The following PRKG1 variants were observed in gnomAD, a reference collection of about 807,000 sequenced individuals.
PRKG1 encodes the protein protein kinase cGMP-dependent 1.
Under a neutral mutation model 88.1 loss-of-function variants are expected in PRKG1, and 35 were observed. That is an observed-to-expected ratio of 0.40 (90% CI 0.30 to 0.53). PRKG1 has a LOEUF of 0.53. Ranked by LOEUF, PRKG1 falls within the 20% of genes least tolerant of loss-of-function variation. The pLI is 0.59. For synonymous variants in PRKG1, 303 were observed against 292.5 expected, an observed-to-expected ratio of 1.04 and a Z score of -0.37; for missense variants, 540 against 839.8, an observed-to-expected ratio of 0.64 and a Z score of 4.41.
chr10:51,852,226 T>TATATATATATATATATATATATAC (rs1403355117), intron 4 of PRKG1, among the ~76,000 whole-genome samples: 39 of 149,356 alleles, frequency 2.6e-4, no homozygotes, highest in African/African-American at 9.4e-4. Context: ...TATATATATA[T>TATATATATATATATATATATATAC]ATACACACAC....
At chr10:51,002,256 A>G (rs1447113119) in intron 1 of PRKG1, among the ~76,000 whole-genome samples, 2 of 152,128 alleles carry the variant, frequency 1.3e-5, no homozygotes, top group African/African-American at 2.4e-5. Context: ...TAACAAATTA[A>G]AAGAAAATTA....
At chr10:51,213,471 A>AT (rs1363132751) in intron 2 of PRKG1, among the ~76,000 whole-genome samples, 3 of 152,150 alleles carry the variant, frequency 2.0e-5, no homozygotes, top group African/African-American at 7.2e-5. Context: ...TATAATAATA[A>AT]AAAAAATGAG....
intron 9 of PRKG1, among the ~76,000 whole-genome samples, chr10:52,189,603 G>A (rs1320590463): frequency 2.0e-5 from 3 of 152,082 alleles, no homozygotes; most frequent in Non-Finnish European, 2.9e-5. Flanking sequence ...ATATGAGGTG[G>A]TACAGTTTCA....
At chr10:51,515,529 G>A (rs12248633) in intron 3 of PRKG1, among the ~76,000 whole-genome samples, 24,029 of 152,000 alleles carry the variant, frequency 0.16, 2,286 homozygotes, top group Non-Finnish European at 0.22. Flanking sequence ...TGAAATTAGC[G>A]GCTACAGTAA....
rs138485221 is a variant in PRKG1 at position 52,279,492 on chromosome 10, A to G, written c.1404-1297A>G. On this transcript the variant is annotated intron_variant, in intron 12 of 17. Coordinates refer to ENST00000373980, the MANE Select transcript of PRKG1 (RefSeq NM_006258.4). ...AGCTGGTTATTTCAGTGAAAACTCAAGTGATATTAGTAGCTGAAATGAAGA... is the reference window on the plus strand; with the variant it reads ...AGCTGGTTATTTCAGTGAAAACTCAGGTGATATTAGTAGCTGAAATGAAGA... Among the ~76,000 whole-genome samples the G allele has an allele frequency of 3.9e-5, 6 of 152,318 alleles. No homozygotes were observed. In the East Asian group the frequency reaches 1.2e-3, roughly 29 times the overall value.
intron 3 of PRKG1, among the ~76,000 whole-genome samples, chr10:51,572,493 G>T (rs897842253): frequency 6.6e-6 from 1 of 151,798 alleles, no homozygotes; most frequent in Non-Finnish European, 1.5e-5. Context: ...AGATGCCTTA[G>T]ACATTATCCA....
chr10:52,109,769 A>ATAAG (rs1564472632), intron 7 of PRKG1, among the ~76,000 whole-genome samples: 4 of 152,122 alleles, frequency 2.6e-5, no homozygotes, highest in African/African-American at 9.7e-5. Context: ...TCTCAAAAAA[A>ATAAG]AATCTTATCT....
At chr10:51,677,283 A>T (rs1346617330) in intron 3 of PRKG1, among the ~76,000 whole-genome samples, 1 of 152,136 alleles carries the variant, frequency 6.6e-6, no homozygotes, top group African/African-American at 2.4e-5. Flanking sequence ...ATTGATGGAC[A>T]TGTGACTTGC....
chr10:51,505,402 T>C (rs1248984819), intron 3 of PRKG1, among the ~76,000 whole-genome samples: 2 of 152,322 alleles, frequency 1.3e-5, no homozygotes, highest in African/African-American at 4.8e-5. Flanking sequence ...TTTGCATCGA[T>C]GTTCATCAAG....
chr10:51,758,401 T>C (rs1837927212), intron 3 of PRKG1, among the ~76,000 whole-genome samples: 1 of 152,222 alleles, frequency 6.6e-6, no homozygotes, highest in Admixed American at 6.5e-5. Flanking sequence ...CGTTAATCAT[T>C]TGTTACTAGT....
chr10:51,382,266 T>A (rs559157334), intron 2 of PRKG1, among the ~76,000 whole-genome samples: 2 of 152,294 alleles, frequency 1.3e-5, no homozygotes, highest in African/African-American at 4.8e-5. Flanking sequence ...TCTTAAAGTT[T>A]AGATAAGGTG....
intron 1 of PRKG1, among the ~76,000 whole-genome samples, chr10:51,065,110 T>C (rs1843733982): frequency 6.6e-6 from 1 of 152,108 alleles, no homozygotes; most frequent in African/African-American, 2.4e-5. Flanking sequence ...TAATGTCAAA[T>C]GGTATGAATA....
chr10:51,312,936 T>C (rs1003137383), intron 2 of PRKG1, among the ~76,000 whole-genome samples: 3 of 152,208 alleles, frequency 2.0e-5, no homozygotes, highest in African/African-American at 7.2e-5. Context: ...ACAGCATTCC[T>C]TTAGCAGTTG....
At chr10:52,072,622 T>C (rs1846530665) in intron 7 of PRKG1, among the ~76,000 whole-genome samples, 1 of 152,208 alleles carries the variant, frequency 6.6e-6, no homozygotes, top group South Asian at 2.1e-4. Context: ...TTCAAGTGAA[T>C]ATTACATGTG....
At chr10:51,802,481 A>G (rs905783901) in intron 3 of PRKG1, among the ~76,000 whole-genome samples, 3 of 152,120 alleles carry the variant, frequency 2.0e-5, no homozygotes, top group African/African-American at 7.2e-5. Flanking sequence ...AATCTGATAC[A>G]TTCAGTTTAG....
chr10:51,305,243 C>T (rs534046408), intron 2 of PRKG1, among the ~76,000 whole-genome samples: 3 of 152,268 alleles, frequency 2.0e-5, no homozygotes, highest in Admixed American at 2.0e-4. Context: ...CACAATGGCA[C>T]TCTTCTCCCA....
At chr10:51,005,538 G>C (rs1459465452) in intron 1 of PRKG1, among the ~76,000 whole-genome samples, 1 of 152,110 alleles carries the variant, frequency 6.6e-6, no homozygotes, top group African/African-American at 2.4e-5. Flanking sequence ...GATGGTTTAG[G>C]TATTATTACC....
intron 5 of PRKG1, among the ~76,000 whole-genome samples, chr10:52,041,244 T>G (rs1478594052): frequency 6.6e-6 from 1 of 152,236 alleles, no homozygotes; most frequent in Non-Finnish European, 1.5e-5. Context: ...TCACATGGTT[T>G]TTATCCTTAA....
At chr10:52,275,438 G>A (rs979766345) in intron 12 of PRKG1, among the ~76,000 whole-genome samples, 9 of 152,046 alleles carry the variant, frequency 5.9e-5, no homozygotes, top group African/African-American at 2.2e-4. Context: ...TTGAAAGAGT[G>A]TCCTTTCCCC....
Sources: gnomAD v4.1 joint callset for allele counts (sites outside exome capture counted in the v4.1 genomes callset) on GRCh38, gnomAD v4.1.1 for gene constraint, MANE v1.5 for transcripts, NCBI Gene and HGNC (gene_info 2026-07-23, HGNC 2026-07-21) for gene names.